Variants in PTGES3L observed in about 807,000 individuals in gnomAD.
The protein encoded by PTGES3L is prostaglandin E synthase 3 like, also known as putative protein PTGES3L.
PTGES3L carries 17 observed loss-of-function variants against 25.0 expected under a neutral mutation model. That is an observed-to-expected ratio of 0.68 (90% CI 0.47 to 1.02). PTGES3L has a LOEUF of 1.02. Among genes scored for constraint, PTGES3L ranks in the 50% least tolerant of loss-of-function variants. The pLI is 0.00. For synonymous variants in PTGES3L, 59 were observed against 65.7 expected, an observed-to-expected ratio of 0.90 and a Z score of 0.50; for missense variants, 202 against 197.5, an observed-to-expected ratio of 1.02 and a Z score of -0.14.
rs535699836 is a variant in PTGES3L, at chr17:42,980,058, G to T, written c.-5C>A. Reference sequence around the variant, plus strand: ...CGGAAACACTCACCGTGCCATTGCGGCTCCCGCTCCAGGGTGGCATTTAGA... The same window carrying T: ...CGGAAACACTCACCGTGCCATTGCGTCTCCCGCTCCAGGGTGGCATTTAGA... On this transcript the variant is annotated 5_prime_UTR_variant, in exon 1 of 7. Coordinates refer to ENST00000591916, the MANE Select transcript of PTGES3L (RefSeq NM_001261430.2). 1 of 1,550,950 alleles carries T rather than the reference G, an allele frequency of 6.4e-7. No individual in the cohort carries two copies. The highest frequency in any genetic ancestry group is 2.4e-5 in the East Asian group (1 of 40,920).
chr17:42,970,203 G>T, intron 6 of PTGES3L, 86 bp downstream of exon 6: 1 of 1,523,036 alleles, frequency 6.6e-7, no homozygotes, highest in East Asian at 2.3e-5. Context: ...ACTACTGTGT[G>T]CTAGGAACTG....
At chr17:42,975,228 T>A (rs1386812965) in intron 4 of PTGES3L, among the ~76,000 whole-genome samples, 1 of 149,260 alleles carries the variant, frequency 6.7e-6, no homozygotes, top group Non-Finnish European at 1.5e-5. Flanking sequence ...TATAATACAG[T>A]GTGAAAAGTG....
At chr17:42,972,431 T>C (rs2049860560) in intron 4 of PTGES3L, among the ~76,000 whole-genome samples, 1 of 145,792 alleles carries the variant, frequency 6.9e-6, no homozygotes, top group African/African-American at 2.5e-5. Flanking sequence ...GCAACCTCCC[T>C]GCCTGATTCT....
chr17:42,979,201 G>T lies in PTGES3L; in HGVS notation c.257C>A (p.Ala86Asp), dbSNP rs759322161. ...CFVRKWKEKV[A>D]WPRLTKEDIK... ...ATCCTCCTTGGTAAGCCGCGGCCAG[G>T]CCACCTTTTCCTTCCATTTTCTCAC... The change falls in exon 4 of 7, where the codon GCC becomes GAC. Residue 86 changes from alanine (A) to aspartate (D), a missense_variant. Coordinates refer to ENST00000591916, the MANE Select transcript of PTGES3L (RefSeq NM_001261430.2). 6.8e-6 allele frequency: 11 copies of T among 1,614,124 alleles called. No homozygotes were observed. In the South Asian group the frequency reaches 1.1e-4, roughly 16 times the overall value.
At chr17:42,978,263 C>A (rs1175777085) in intron 4 of PTGES3L, among the ~76,000 whole-genome samples, 3 of 151,782 alleles carry the variant, frequency 2.0e-5, no homozygotes, top group Non-Finnish European at 4.4e-5. Flanking sequence ...AAAAATTAGC[C>A]AGGCGTGGGG....
chr17:42,973,190 TG>T (rs1216815498), intron 4 of PTGES3L, among the ~76,000 whole-genome samples: 96 of 28,714 alleles, frequency 3.3e-3, no homozygotes, highest in East Asian at 0.02. Context: ...GGGAGGGAGG[TG>T]GGGGGGGGTC....
chr17:42,974,008 A>AG (rs945486094), intron 4 of PTGES3L, among the ~76,000 whole-genome samples: 1 of 149,868 alleles, frequency 6.7e-6, no homozygotes, highest in African/African-American at 2.4e-5. Flanking sequence ...TAAATTAAAA[A>AG]AAAATAAAAA....
intron 4 of PTGES3L, among the ~76,000 whole-genome samples, chr17:42,972,482 A>G (rs925566686): frequency 1.3e-5 from 2 of 151,540 alleles, no homozygotes; most frequent in Non-Finnish European, 1.5e-5. Context: ...GCAGGCACGC[A>G]CCGCCACGCC....
In PTGES3L at chr17:42,979,589, T is replaced by G. The variant is rs752461722; in HGVS notation, c.83A>C (p.Asp28Ala). The change falls in exon 2 of 7, where the codon GAT becomes GCT. Residue 28 changes from aspartate (D) to alanine (A), a missense_variant. Coordinates refer to ENST00000591916, the MANE Select transcript of PTGES3L (RefSeq NM_001261430.2). ...FMEFCVEDST[D>A]VHVLIEDHRI... The stretch of plus-strand genomic sequence containing the variant: ...GTGATCCTCAATAAGCACGTGGACA[T>G]CGGTGCTGTCCTCAACACAAAACTC... The G allele has an allele frequency of 6.2e-7, 1 of 1,613,992 alleles. No homozygotes were observed. Among genetic ancestry groups the G allele is most frequent in the Non-Finnish European group, 8.5e-7 (1 of 1,180,018 alleles).
chr17:42,969,188 T>C lies in PTGES3L; in HGVS notation c.433-2A>G, dbSNP rs868786464. 11 of 1,011,788 alleles carry C rather than the reference T, an allele frequency of 1.1e-5. No individual in the cohort carries two copies. The highest frequency in any genetic ancestry group is 1.5e-5 in the Non-Finnish European group (11 of 737,378). The allele number at this position is 1,011,788 out of a possible 1,614,324, so 62.7% of individuals were successfully genotyped here. A position where few individuals can be genotyped will look rare whatever the true frequency, so the allele number is the denominator to read the frequency against. On this transcript the variant is annotated splice_acceptor_variant, in intron 6 of 6. Coordinates refer to ENST00000591916, the MANE Select transcript of PTGES3L (RefSeq NM_001261430.2). LOFTEE classifies it high-confidence loss of function. ...ATCATCAGCACTGTCAGAATCATCC[T>C]GGGGGCGGGGGGGAAAAAAGACAAA...
At chr17:42,972,930 C>T (rs1436192079) in intron 4 of PTGES3L, among the ~76,000 whole-genome samples, 1 of 148,836 alleles carries the variant, frequency 6.7e-6, no homozygotes, top group African/African-American at 2.5e-5. Context: ...CGTCTCTGCC[C>T]GGCCACCCAT....
chr17:42,977,692 A>AAAAGAAAG lies in PTGES3L; in HGVS notation c.288+1470_288+1477dup, dbSNP rs57809818. Among the ~76,000 whole-genome samples, 661 of 136,480 alleles carry AAAAGAAAG rather than the reference A, an allele frequency of 4.8e-3. 2 individuals carry two copies. The highest frequency in any genetic ancestry group is 0.014 in the African/African-American group (513 of 37,960). 89.5% of individuals were successfully genotyped at this position (136,480 alleles called of 152,430 possible). ...GGGAGAGAGAGAGAGAGAAAGAAAG[A>AAAAGAAAG]AAAGAAAGAAAGAAAGAAAGAAAAG... On this transcript the variant is annotated intron_variant, in intron 4 of 6. Transcript: ENST00000591916.
At chr17:42,977,561 G>A (rs1200464107) in intron 4 of PTGES3L, among the ~76,000 whole-genome samples, 5 of 148,190 alleles carry the variant, frequency 3.4e-5, no homozygotes, top group East Asian at 4.0e-4. Flanking sequence ...CCGAGATGGC[G>A]CCATTGCACT....
chr17:42,969,248 G>T (rs1305843588), intron 6 of PTGES3L, 62 bp from the exon 7 acceptor site: 4 of 1,033,128 alleles, frequency 3.9e-6, no homozygotes, highest in Non-Finnish European at 5.7e-6. Context: ...GAACATTTGT[G>T]TTAACAAATA....
intron 4 of PTGES3L, among the ~76,000 whole-genome samples, chr17:42,977,696 G>A (rs1446502823): frequency 2.0e-5 from 3 of 148,776 alleles, no homozygotes; most frequent in African/African-American, 5.1e-5. Context: ...AGAAAGAAAA[G>A]AAAGAAAGAA....
chr17:42,973,237 G>C, intron 4 of PTGES3L, among the ~76,000 whole-genome samples: 2 of 147,694 alleles, frequency 1.4e-5, no homozygotes, highest in East Asian at 2.4e-4. Flanking sequence ...GTCCGGGAGG[G>C]AGGTGGGGGG....
In PTGES3L at chr17:42,971,657, A is replaced by G. The variant is rs2049838905; in HGVS notation, c.328T>C (p.Trp110Arg). The part of the protein sequence containing the change: ...LSVDFDNWRD[W>R]EGDEEMELAH... ...AGCTCCATCTCTTCATCCCCTTCCC[A>G]GTCTCTCCAGTTATCAAAGTCCACA... is the stretch of plus-strand genomic sequence containing the variant. Residue 110 changes from tryptophan (W) to arginine (R), a missense_variant, in exon 5 of 7, where the codon TGG becomes CGG. Physicochemically the swap from Trp to Arg is moderately radical, Grantham distance 101. Transcript: ENST00000591916. 1 of 1,614,040 alleles carries G rather than the reference A, an allele frequency of 6.2e-7. No homozygotes were observed. The highest frequency in any genetic ancestry group is 2.2e-5 in the East Asian group (1 of 44,878).
Position 42,979,704 on chromosome 17 carries a change from G to C in PTGES3L, c.9-41C>G, listed in dbSNP as rs745329798. On this transcript the variant is annotated intron_variant, in intron 1 of 6. Coordinates refer to ENST00000591916, the MANE Select transcript of PTGES3L (RefSeq NM_001261430.2). ...GGTGTGGCTTCATAGGGGTGGGAGA[G>C]GGAAGACTGAGGTCATTTGGGAAGG... is the stretch of plus-strand genomic sequence containing the variant. 1.9e-6 allele frequency: 3 copies of C among 1,600,246 alleles called. No individual in the cohort carries two copies. The African/African-American group carries it at 4.0e-5, about 21-fold the overall frequency.
intron 4 of PTGES3L, among the ~76,000 whole-genome samples, chr17:42,977,515 A>G (rs1433947414): frequency 6.6e-6 from 1 of 151,468 alleles, no homozygotes; most frequent in Non-Finnish European, 1.5e-5. Flanking sequence ...GATGAAGGAG[A>G]ATCGCTTGAA....
Sources: gnomAD v4.1 joint callset for allele counts (sites outside exome capture counted in the v4.1 genomes callset) on GRCh38, gnomAD v4.1.1 for gene constraint, MANE v1.5 for transcripts, NCBI Gene and HGNC (gene_info 2026-07-23, HGNC 2026-07-21) for gene names.